CDH13: variants seen among roughly 807,000 people sequenced by gnomAD.
The protein encoded by CDH13 is cadherin-13.
A neutral mutation model predicts 63.8 loss-of-function variants in CDH13; 24 were observed. The observed-to-expected ratio is 0.38, with a 90% CI of 0.27 to 0.53. The LOEUF is 0.53. Among genes scored for constraint, CDH13 ranks in the 20% least tolerant of loss-of-function variants. The pLI is 0.85. For synonymous variants in CDH13, 503 were observed against 355.3 expected (o/e 1.42, Z -4.67); for missense variants, 1,049 against 903.1 (o/e 1.16, Z -2.07).
intron 6 of CDH13, among the ~76,000 whole-genome samples, chr16:83,378,141 C>A (rs1552556): frequency 3.3e-5 from 5 of 152,242 alleles, no homozygotes; most frequent in South Asian, 4.1e-4. Flanking sequence ...ATCATCACTA[C>A]GATTTATCCA....
intron 3 of CDH13, among the ~76,000 whole-genome samples, chr16:83,106,960 C>A (rs1011456328): frequency 6.6e-6 from 1 of 152,000 alleles, no homozygotes; most frequent in African/African-American, 2.4e-5. Flanking sequence ...TGCATCCCTC[C>A]TACCGAATGC....
In CDH13 at chr16:83,475,910, A is replaced by C. The variant is rs188244961; in HGVS notation, c.782-10567A>C. ...TATGGTCTGTGTTTTTAAAGAGCAAATTGCTGCGCCTTTGCCCTTAAATAG... is the reference window on the plus strand; with the variant it reads ...TATGGTCTGTGTTTTTAAAGAGCAACTTGCTGCGCCTTTGCCCTTAAATAG... On this transcript the variant is annotated intron_variant, in intron 6 of 13. Transcript: ENST00000567109. Among the ~76,000 whole-genome samples, 325 of 152,200 alleles carry C rather than the reference A, an allele frequency of 2.1e-3. 1 individual carries two copies. The highest frequency in any genetic ancestry group is 2.9e-3 in the Non-Finnish European group (200 of 68,004).
chr16:83,477,267 T>C (rs2073629506), intron 6 of CDH13, among the ~76,000 whole-genome samples: 1 of 152,212 alleles, frequency 6.6e-6, no homozygotes, highest in Admixed American at 6.5e-5. Flanking sequence ...TCATAACTTA[T>C]TACATATTTG....
chr16:83,103,242 AC>A (rs1453322164), intron 3 of CDH13, among the ~76,000 whole-genome samples: 8 of 102,944 alleles, frequency 7.8e-5, no homozygotes, highest in African/African-American at 2.9e-4. Context: ...CGTTAACTGA[AC>A]TTTTTTTTTT....
intron 6 of CDH13, among the ~76,000 whole-genome samples, chr16:83,376,804 C>A (rs2091467761): frequency 6.6e-6 from 1 of 152,066 alleles, no homozygotes; most frequent in South Asian, 2.1e-4. Context: ...TTGATTTGAC[C>A]AATACAATAT....
rs182715353 is a variant in CDH13 at position 83,766,991 on chromosome 16, C to G, written c.1682-12977C>G. 2.4e-3 allele frequency among the ~76,000 whole-genome samples: 371 copies of G among 152,290 alleles called. 1 individual carries two copies. Among genetic ancestry groups the G allele is most frequent in the Non-Finnish European group, 3.8e-3 (257 of 68,022 alleles). On this transcript the variant is annotated intron_variant, in intron 11 of 13. Coordinates refer to ENST00000567109, the MANE Select transcript of CDH13 (RefSeq NM_001257.5). Reference sequence around the variant, plus strand: ...AAGTTTCCTGAGGCCTCCCCAGCAACTCGGAACGGTGAGTCAATTAAACCC... The same window carrying G: ...AAGTTTCCTGAGGCCTCCCCAGCAAGTCGGAACGGTGAGTCAATTAAACCC...
At chr16:83,523,431 C>G (rs941587594) in intron 7 of CDH13, among the ~76,000 whole-genome samples, 1 of 152,172 alleles carries the variant, frequency 6.6e-6, no homozygotes, top group African/African-American at 2.4e-5. Context: ...GCCCAAGGCT[C>G]TGTCTTGTCA....
At chr16:83,242,789 A>G (rs1262244546) in intron 5 of CDH13, among the ~76,000 whole-genome samples, 2 of 152,190 alleles carry the variant, frequency 1.3e-5, no homozygotes. Flanking sequence ...AGGATGGAGA[A>G]TGACTGTCAG....
At chr16:83,765,764 G>A (rs1012432456) in intron 11 of CDH13, among the ~76,000 whole-genome samples, 9 of 150,194 alleles carry the variant, frequency 6.0e-5, no homozygotes, top group Non-Finnish European at 1.3e-4. Flanking sequence ...GAAGACTCCT[G>A]GTTCACTTAC....
At chr16:83,236,927 C>T (rs913610939) in intron 5 of CDH13, among the ~76,000 whole-genome samples, 4 of 151,858 alleles carry the variant, frequency 2.6e-5, no homozygotes, top group Admixed American at 1.3e-4. Flanking sequence ...CTAAACATGA[C>T]TTTAAAAATG....
intron 5 of CDH13, among the ~76,000 whole-genome samples, chr16:83,296,527 A>G (rs966484521): frequency 1.3e-5 from 2 of 152,156 alleles, no homozygotes; most frequent in Non-Finnish European, 2.9e-5. Context: ...TCTGTAGTTT[A>G]TTAGTAATGT....
At chr16:83,605,414 G>A (rs1274590590) in intron 8 of CDH13, among the ~76,000 whole-genome samples, 4 of 152,180 alleles carry the variant, frequency 2.6e-5, no homozygotes, top group Non-Finnish European at 5.9e-5. Flanking sequence ...ACTGCTGGGG[G>A]TAATGTGATT....
In CDH13 at chr16:83,129,711, C is replaced by T. The variant is rs114707806; in HGVS notation, c.483+4210C>T. ...GTCTGCCCTGCACTCTGTGCACTGACGCGACAGCCTGCTGAGGTTTGGAGG... is the reference window on the plus strand; with the variant it reads ...GTCTGCCCTGCACTCTGTGCACTGATGCGACAGCCTGCTGAGGTTTGGAGG... On this transcript the variant is annotated intron_variant, in intron 4 of 13. Transcript: ENST00000567109. Among the ~76,000 whole-genome samples the T allele has an allele frequency of 7.4e-3, 1,132 of 152,284 alleles. 10 individuals carry two copies. Among genetic ancestry groups the T allele is most frequent in the Middle Eastern group, 0.031 (9 of 294 alleles).
chr16:83,102,594 G>T (rs75128217), intron 3 of CDH13, among the ~76,000 whole-genome samples: 1 of 152,298 alleles, frequency 6.6e-6, no homozygotes, highest in African/African-American at 2.4e-5. Context: ...AAGCTACGAA[G>T]CAGAGGAGGG....
chr16:83,215,019 A>T (rs969339831), intron 4 of CDH13, among the ~76,000 whole-genome samples: 1 of 150,666 alleles, frequency 6.6e-6, no homozygotes, highest in Non-Finnish European at 1.5e-5. Context: ...CAGTTGGATT[A>T]ATCAAGTCAA....
intron 7 of CDH13, among the ~76,000 whole-genome samples, chr16:83,548,792 G>C (rs1254688154): frequency 1.3e-5 from 2 of 151,842 alleles, no homozygotes; most frequent in African/African-American, 4.8e-5. Context: ...CCAACCCCCT[G>C]CCTTCCAATA....
chr16:82,826,316 G>A (rs951636916), intron 1 of CDH13: 1 of 152,146 alleles, frequency 6.6e-6, no homozygotes, highest in Non-Finnish European at 1.5e-5. Flanking sequence ...GCTTCTATAT[G>A]GCAGGTGCTT....
At chr16:83,080,891 T>TTTTTTG (rs1567810693) in intron 3 of CDH13, among the ~76,000 whole-genome samples, 1 of 131,026 alleles carries the variant, frequency 7.6e-6, no homozygotes, top group Non-Finnish European at 1.6e-5. Flanking sequence ...TTTTTTTTTT[T>TTTTTTG]TTTTTTTGAG....
intron 1 of CDH13, among the ~76,000 whole-genome samples, chr16:82,669,364 G>T (rs546242931): frequency 6.6e-6 from 1 of 152,168 alleles, no homozygotes; most frequent in Non-Finnish European, 1.5e-5. Context: ...GAAAATGGAC[G>T]CAGGTACAAT....
Sources: allele counts gnomAD v4.1 joint callset (sites outside exome capture counted in the v4.1 genomes callset), GRCh38; gene constraint gnomAD v4.1.1; transcripts MANE v1.5; gene names NCBI Gene and HGNC (gene_info 2026-07-23, HGNC 2026-07-21).